SRFBP1: variants seen among roughly 807,000 people sequenced by gnomAD.
SRFBP1 encodes serum response factor-binding protein 1.
In SRFBP1, 47 loss-of-function variants were observed where a neutral mutation model predicts 45.5. The ratio of observed to expected loss-of-function variants is 1.03; its 90% CI spans 0.82 to 1.32. SRFBP1 has a LOEUF of 1.32. Among genes scored for constraint, SRFBP1 ranks in the 40% most tolerant of loss-of-function variants. The pLI, the probability that SRFBP1 is intolerant of heterozygous loss-of-function variation, is 0.00. For synonymous variants in SRFBP1, 203 were observed against 166.3 expected, an observed-to-expected ratio of 1.22 and a Z score of -1.70; for missense variants, 621 against 484.6, an observed-to-expected ratio of 1.28 and a Z score of -2.64.
At chr5:121,963,144 A>T (rs953628324) in intron 1 of SRFBP1, among the ~76,000 whole-genome samples, 3 of 152,198 alleles carry the variant, frequency 2.0e-5, no homozygotes, top group African/African-American at 7.2e-5. Context: ...TATAAGCAGG[A>T]AAGGGCTAGT....
At chr5:121,974,318 T>TA (rs756611776) in intron 2 of SRFBP1, 34 bp downstream of exon 2, 2 of 1,474,384 alleles carry the variant, frequency 1.4e-6, no homozygotes, top group Non-Finnish European at 1.9e-6. Flanking sequence ...TTGTGACTAA[T>TA]AAAATGTCAA....
At chr5:121,978,519 T>G (rs1752348687) in intron 3 of SRFBP1, among the ~76,000 whole-genome samples, 2 of 151,710 alleles carry the variant, frequency 1.3e-5, no homozygotes, top group African/African-American at 4.8e-5. Flanking sequence ...TGAGATGGAG[T>G]CTCTCTCTGT....
chr5:121,989,556 A>G (rs1425035549), intron 3 of SRFBP1, among the ~76,000 whole-genome samples: 2 of 152,190 alleles, frequency 1.3e-5, no homozygotes, highest in Non-Finnish European at 2.9e-5. Flanking sequence ...TGATCTTTAA[A>G]CACTGAATAC....
At chr5:122,014,787 C>T (rs1392697177) in intron 4 of SRFBP1, among the ~76,000 whole-genome samples, 1 of 152,120 alleles carries the variant, frequency 6.6e-6, no homozygotes, top group Non-Finnish European at 1.5e-5. Context: ...CCACACTAGA[C>T]ATGCAAGTAT....
intron 2 of SRFBP1, among the ~76,000 whole-genome samples, chr5:122,044,628 A>T (rs988304582): frequency 6.6e-6 from 1 of 151,882 alleles, no homozygotes; most frequent in African/African-American, 2.4e-5. Context: ...ATTTTTTCAT[A>T]TGCTTGTTGG....
At chr5:122,005,574 T>C (rs902047705) in intron 4 of SRFBP1, among the ~76,000 whole-genome samples, 6 of 150,644 alleles carry the variant, frequency 4.0e-5, no homozygotes, top group Non-Finnish European at 7.4e-5. Flanking sequence ...GGTCTTATTT[T>C]TGTTTTTGTT....
At chr5:122,050,911 C>T (rs574149905) in intron 2 of SRFBP1, among the ~76,000 whole-genome samples, 13 of 152,226 alleles carry the variant, frequency 8.5e-5, no homozygotes, top group South Asian at 4.1e-4. Flanking sequence ...TCCCTGTTAA[C>T]GCTGTCTTAT....
At chr5:122,018,526 C>T (rs10078419) in intron 4 of SRFBP1, among the ~76,000 whole-genome samples, 17,856 of 152,086 alleles carry the variant, frequency 0.12, 1,134 homozygotes, top group Non-Finnish European at 0.14. Context: ...GGAAAAGCTA[C>T]AGGAGAAGCA....
At chr5:122,034,783 AAG>A (rs1345362996) in intron 2 of SRFBP1, among the ~76,000 whole-genome samples, 1 of 152,000 alleles carries the variant, frequency 6.6e-6, no homozygotes, top group Non-Finnish European at 1.5e-5. Context: ...TAAAAAAAAA[AAG>A]ACTCATGGAA....
chr5:122,026,421 G>A (rs959011911), intron 7 of SRFBP1, among the ~76,000 whole-genome samples: 1 of 152,164 alleles, frequency 6.6e-6, no homozygotes, highest in Non-Finnish European at 1.5e-5. Context: ...AGTACTATTT[G>A]CCTTGTAATA....
chr5:122,070,634 A>T (rs1223773700), intron 2 of SRFBP1: 1 of 987,734 alleles, frequency 1.0e-6, no homozygotes, highest in African/African-American at 1.6e-5. Flanking sequence ...GTATGTGGTC[A>T]GACTATGATA....
At position 121,973,148 on chromosome 5, in the gene SRFBP1, ACT is replaced by A. The variant is rs1265931092; in HGVS notation, c.37-1047_37-1046del. ...GGCACTCTTGCAGGGCAAAGAAAACACTATATAAATATTACAAGACTCCTGTT... is the reference window on the plus strand; with the variant it reads ...GGCACTCTTGCAGGGCAAAGAAAACAATATAAATATTACAAGACTCCTGTT... On this transcript the variant is annotated intron_variant, in intron 1 of 7. Coordinates refer to ENST00000339397, the MANE Select transcript of SRFBP1 (RefSeq NM_152546.3). Among the ~76,000 whole-genome samples the A allele has an allele frequency of 1.2e-3, 175 of 152,026 alleles. 1 individual carries two copies. Among genetic ancestry groups the A allele is most frequent in the African/African-American group, 4.1e-3 (170 of 41,554 alleles).
At chr5:121,995,227 C>T (rs561568482) in intron 4 of SRFBP1, among the ~76,000 whole-genome samples, 667 of 151,874 alleles carry the variant, frequency 4.4e-3, no homozygotes, top group Non-Finnish European at 7.5e-3. Context: ...TTCAGCACCA[C>T]ACCACACCTA....
At chr5:122,042,460 C>T (rs1441126601) in intron 2 of SRFBP1, among the ~76,000 whole-genome samples, 1 of 152,030 alleles carries the variant, frequency 6.6e-6, no homozygotes, top group Non-Finnish European at 1.5e-5. Context: ...GCTATGTTGC[C>T]CAGGCTATTC....
At chr5:122,006,620 A>G (rs1752980469) in intron 4 of SRFBP1, among the ~76,000 whole-genome samples, 1 of 151,998 alleles carries the variant, frequency 6.6e-6, no homozygotes, top group African/African-American at 2.4e-5. Context: ...TTCTGACTAT[A>G]TATTTTCACA....
chr5:122,053,216 T>C (rs552917327), intron 2 of SRFBP1, among the ~76,000 whole-genome samples: 1 of 152,096 alleles, frequency 6.6e-6, no homozygotes, highest in South Asian at 2.1e-4. Flanking sequence ...GACCATTGAG[T>C]TGGAAGCTTT....
intron 1 of SRFBP1, among the ~76,000 whole-genome samples, chr5:121,962,778 A>G (rs534708665): frequency 3.0e-4 from 45 of 152,306 alleles, no homozygotes; most frequent in East Asian, 1.5e-3. Flanking sequence ...ATGTCATCCA[A>G]AGTCTTAAAG....
downstream of SRFBP1, chr5:122,077,183 A>G: frequency 6.8e-7 from 1 of 1,466,460 alleles, no homozygotes. The surrounding 1 kb of genome is among the most constrained non-coding windows in gnomAD (Gnocchi z 4.9). Context: ...AGGAAGCAGG[A>G]GGGGCCAGAC....
At chr5:122,076,286 A>T (rs1754628085), downstream of SRFBP1, among the ~76,000 whole-genome samples, 2 of 152,202 alleles carry the variant, frequency 1.3e-5, no homozygotes, top group South Asian at 4.1e-4. Context: ...TTAAATTTTT[A>T]TTAAAACATC....
Sources: allele counts gnomAD v4.1 joint callset (sites outside exome capture counted in the v4.1 genomes callset), GRCh38; gene constraint gnomAD v4.1.1; non-coding constraint Gnocchi (gnomAD v3.1); transcripts MANE v1.5; gene names NCBI Gene and HGNC (gene_info 2026-07-23, HGNC 2026-07-21).